HIPK2: variants seen among roughly 807,000 people sequenced by gnomAD.
HIPK2 encodes homeodomain interacting protein kinase 2.
Under a neutral mutation model 113.7 loss-of-function variants are expected in HIPK2, and 27 were observed. The ratio of observed to expected loss-of-function variants is 0.24; its 90% CI spans 0.17 to 0.33. The LOEUF (loss-of-function observed/expected upper bound fraction) is 0.33, where lower values mean the gene tolerates loss of function less well. Ranked by LOEUF, HIPK2 falls within the 10% of genes least tolerant of loss-of-function variation. HIPK2 has a pLI of 1.00. For missense variants in HIPK2, 1,257 were observed against 1,588.0 expected (o/e 0.79, Z 3.54); for synonymous variants, 631 against 642.2 (o/e 0.98, Z 0.26).
At chr7:139,636,250 C>A (rs1256378212) in intron 2 of HIPK2, among the ~76,000 whole-genome samples, 1 of 151,862 alleles carries the variant, frequency 6.6e-6, no homozygotes, top group Non-Finnish European at 1.5e-5. Context: ...CGCCTCTCTG[C>A]TTGTGGCTTG....
intron 5 of HIPK2, among the ~76,000 whole-genome samples, chr7:139,628,040 T>G (rs886833771): frequency 1.3e-5 from 2 of 152,148 alleles, no homozygotes; most frequent in African/African-American, 4.8e-5. Context: ...AAGGGAGATG[T>G]GGACACAGAG....
intron 2 of HIPK2, among the ~76,000 whole-genome samples, chr7:139,635,465 T>C (rs1800778482): frequency 6.6e-6 from 1 of 152,144 alleles, no homozygotes; most frequent in Non-Finnish European, 1.5e-5. Context: ...ACAACTAAAA[T>C]GGCCACACAA....
chr7:139,680,435 G>A (rs896926896), intron 2 of HIPK2, among the ~76,000 whole-genome samples: 3 of 152,182 alleles, frequency 2.0e-5, no homozygotes, highest in African/African-American at 7.2e-5. Context: ...TTAAATTCAC[G>A]TCACTGGCTT....
chr7:139,641,103 G>A (rs931645904), intron 2 of HIPK2, among the ~76,000 whole-genome samples: 4 of 152,158 alleles, frequency 2.6e-5, no homozygotes, highest in East Asian at 1.9e-4. Flanking sequence ...AGTGGCTCAC[G>A]CCTGTAATCC....
intron 13 of HIPK2, among the ~76,000 whole-genome samples, chr7:139,576,551 T>A (rs1798498209): frequency 6.6e-6 from 1 of 152,176 alleles, no homozygotes; most frequent in South Asian, 2.1e-4. Flanking sequence ...AGGAGCCTCT[T>A]CAGAGCCCAG....
intron 10 of HIPK2, 54 bp downstream of exon 10, chr7:139,604,027 A>T: frequency 6.2e-7 from 1 of 1,610,454 alleles, no homozygotes; most frequent in Non-Finnish European, 8.5e-7. Context: ...TTGGCAGTGG[A>T]CGTGCCTCCC....
chr7:139,716,880 C>A lies in HIPK2; in HGVS notation c.155G>T (p.Ser52Ile), dbSNP rs372112637. Reference protein sequence around the residue: ...TGYGSHSKVYSQSKNIPLSQP... With the variant: ...TGYGSHSKVYIQSKNIPLSQP... ...CGACAGGGGGATGTTCTTGCTCTGG[C>A]TATACACTTTGCTGTGGGAGCCGTA... Residue 52 changes from serine (S) to isoleucine (I), a missense_variant, in exon 2 of 15, where the codon AGC becomes ATC. Transcript: ENST00000406875. This position sits in a 1 kb window ranked among gnomAD's most constrained non-coding sequence, Gnocchi z 9.3. 8 of 1,613,698 alleles carry A rather than the reference C, an allele frequency of 5.0e-6. No homozygotes were observed. The African/African-American group carries it at 5.3e-5, about 11-fold the overall frequency.
At chr7:139,680,103 T>G (rs1449809262) in intron 2 of HIPK2, among the ~76,000 whole-genome samples, 21 of 152,168 alleles carry the variant, frequency 1.4e-4, no homozygotes, top group Admixed American at 1.4e-3. Flanking sequence ...CTCTTAAGAA[T>G]GCCTGTTCCC....
chr7:139,759,051 CT>C (rs1316930439), intron 1 of HIPK2, among the ~76,000 whole-genome samples: 1 of 151,990 alleles, frequency 6.6e-6, no homozygotes, highest in Non-Finnish European at 1.5e-5. Context: ...AAAAATGCAA[CT>C]CATAGCAAAG....
chr7:139,741,619 C>A (rs1796100290), intron 1 of HIPK2, among the ~76,000 whole-genome samples: 1 of 152,048 alleles, frequency 6.6e-6, no homozygotes, highest in South Asian at 2.1e-4. Flanking sequence ...CCTCAGCCCC[C>A]ATTAATCTCC....
Position 139,631,046 on chromosome 7 carries a change from A to G in HIPK2, c.1347+119T>C, listed in dbSNP as rs979236174. The G allele has an allele frequency of 1.7e-5, 23 of 1,341,142 alleles. No individual in the cohort carries two copies. Among genetic ancestry groups the G allele is most frequent in the African/African-American group, 1.0e-4 (7 of 67,812 alleles). The allele number at this position is 1,341,142 out of a possible 1,614,324, so 83.1% of individuals were successfully genotyped here. A position where few individuals can be genotyped will look rare whatever the true frequency, so the allele number is the denominator to read the frequency against. ...GATTCAGCCATACCATGTATTAACAACAGCACCCCCAGTGCCCTCATTTTG... is the reference window on the plus strand; with the variant it reads ...GATTCAGCCATACCATGTATTAACAGCAGCACCCCCAGTGCCCTCATTTTG... On this transcript the variant is annotated intron_variant, in intron 4 of 14. Coordinates refer to ENST00000406875, the MANE Select transcript of HIPK2 (RefSeq NM_022740.5). This position sits in a 1 kb window ranked among gnomAD's most constrained non-coding sequence, Gnocchi z 4.9.
At chr7:139,623,916 T>C (rs1178036307) in intron 6 of HIPK2, among the ~76,000 whole-genome samples, 3 of 152,176 alleles carry the variant, frequency 2.0e-5, no homozygotes, top group Admixed American at 1.3e-4. Flanking sequence ...CACACCCCTT[T>C]TCCCTGCAGA....
chr7:139,698,100 AGTGATC>A (rs1194485142), intron 2 of HIPK2, among the ~76,000 whole-genome samples: 1 of 152,122 alleles, frequency 6.6e-6, no homozygotes, highest in Non-Finnish European at 1.5e-5. Context: ...CCTGGCCTCA[AGTGATC>A]TGTCCATCTT....
At chr7:139,704,505 C>A (rs1794832360) in intron 2 of HIPK2, among the ~76,000 whole-genome samples, 1 of 150,726 alleles carries the variant, frequency 6.6e-6, no homozygotes, top group South Asian at 2.1e-4. Flanking sequence ...CTACACCCAA[C>A]ACACACACAC....
At chr7:139,702,684 TG>T (rs1486158712) in intron 2 of HIPK2, among the ~76,000 whole-genome samples, 2 of 152,134 alleles carry the variant, frequency 1.3e-5, no homozygotes, top group African/African-American at 4.8e-5. Flanking sequence ...ATGCAGGCCA[TG>T]GGCGTAAATA....
Position 139,674,373 on chromosome 7 carries a change from C to T in HIPK2, c.1103+41559G>A, listed in dbSNP as rs147272436. Among the ~76,000 whole-genome samples the T allele has an allele frequency of 2.2e-3, 342 of 152,192 alleles. 2 individuals are homozygous for T. Among genetic ancestry groups the T allele is most frequent in the African/African-American group, 8.0e-3 (333 of 41,488 alleles). ...CAATAAGAAAAATTAAATGCTAAGC[C>T]GTATGGTATTGATTAGGTAAAACGG... On this transcript the variant is annotated intron_variant, in intron 2 of 14. Coordinates refer to ENST00000406875, the MANE Select transcript of HIPK2 (RefSeq NM_022740.5).
At chr7:139,747,479 T>C (rs1796208738) in intron 1 of HIPK2, among the ~76,000 whole-genome samples, 1 of 152,222 alleles carries the variant, frequency 6.6e-6, no homozygotes, top group Admixed American at 6.5e-5. Context: ...TTCCTGGCTT[T>C]TCTTCAAGTA....
chr7:139,648,490 G>C (rs1801324560), intron 2 of HIPK2, among the ~76,000 whole-genome samples: 1 of 152,226 alleles, frequency 6.6e-6, no homozygotes, highest in Admixed American at 6.5e-5. Context: ...GGGTTACACA[G>C]TGGAAAGGCT....
At position 139,763,481 on chromosome 7, in the gene HIPK2, CCCA is replaced by C. The variant is rs1168713124; in HGVS notation, c.19+14121_19+14123del. ...GATTTTGCCGGAACACGCCCCCCCC[CCCA>C]CACGCCCCTCCCACCACGTGACTCG... On this transcript the variant is annotated intron_variant, in intron 1 of 14. Transcript: ENST00000406875. Among the ~76,000 whole-genome samples, 58 of 132,934 alleles carry C rather than the reference CCCA, an allele frequency of 4.4e-4. 4 individuals carry two copies. Among genetic ancestry groups the C allele is most frequent in the African/African-American group, 1.7e-3 (54 of 31,936 alleles). The allele number at this position is 132,934 out of a possible 152,430, so 87.2% of individuals were successfully genotyped here. A position where few individuals can be genotyped will look rare whatever the true frequency, so the allele number is the denominator to read the frequency against.
Sources: allele counts gnomAD v4.1 joint callset (sites outside exome capture counted in the v4.1 genomes callset), GRCh38; gene constraint gnomAD v4.1.1; non-coding constraint Gnocchi (gnomAD v3.1); transcripts MANE v1.5; gene names NCBI Gene and HGNC (gene_info 2026-07-23, HGNC 2026-07-21).